CEP112: variants seen among roughly 807,000 people sequenced by gnomAD.
CEP112 encodes the protein centrosomal protein 112.
In CEP112, 127 loss-of-function variants were observed where a neutral mutation model predicts 153.0. That is an observed-to-expected ratio of 0.83 (90% CI 0.72 to 0.96). The LOEUF (loss-of-function observed/expected upper bound fraction) is 0.96. Ranked by LOEUF, CEP112 falls within the 40% of genes least tolerant of loss-of-function variation. The probability of loss-of-function intolerance (pLI) is 0.00; values close to 1 mark genes in which losing one functional copy is unlikely to be tolerated. For missense variants in CEP112, 1,089 were observed against 1,101.2 expected (o/e 0.99, Z 0.16); for synonymous variants, 358 against 374.4 (o/e 0.96, Z 0.51).
chr17:65,927,145 TTCTC>T (rs148902487), intron 19 of CEP112, among the ~76,000 whole-genome samples: 11 of 149,952 alleles, frequency 7.3e-5, no homozygotes, highest in African/African-American at 2.7e-4. Context: ...ACCTCCTCGC[TTCTC>T]TCTCTCTCTC....
intron 20 of CEP112, among the ~76,000 whole-genome samples, chr17:65,880,043 C>T (rs944876663): frequency 1.3e-5 from 2 of 151,994 alleles, no homozygotes; most frequent in Non-Finnish European, 1.5e-5. Flanking sequence ...TAGAAGCCCA[C>T]ATATTTTGTT....
chr17:66,176,960 C>A lies in CEP112; in HGVS notation c.167G>T (p.Gly56Val). Residue 56 changes from glycine (G) to valine (V), a missense_variant, in exon 3 of 27, where the codon GGA becomes GTA. Transcript: ENST00000535342. ...GTTCCGATTCTTCCTCCCCATTATTCCTGCACCTGTTCCTGAAGGTTCGCA... is the reference window on the plus strand; with the variant it reads ...GTTCCGATTCTTCCTCCCCATTATTACTGCACCTGTTCCTGAAGGTTCGCA... ...KLCEPSGTGA[G>V]IMGRKNRNLY... 1 of 1,613,872 alleles carries A rather than the reference C, an allele frequency of 6.2e-7. No homozygotes were observed. Among genetic ancestry groups the A allele is most frequent in the South Asian group, 1.1e-5 (1 of 91,050 alleles).
intron 4 of CEP112, among the ~76,000 whole-genome samples, chr17:66,146,559 C>T (rs149635110): frequency 2.0e-5 from 3 of 152,148 alleles, no homozygotes; most frequent in East Asian, 1.9e-4. Context: ...TTTAAGCATA[C>T]GGTTCAGTGG....
intron 21 of CEP112, among the ~76,000 whole-genome samples, chr17:65,822,226 T>C (rs537438489): frequency 6.6e-6 from 1 of 151,984 alleles, no homozygotes; most frequent in Non-Finnish European, 1.5e-5. Flanking sequence ...ACTTTTCCTA[T>C]CCATGTTGGT....
intron 12 of CEP112, among the ~76,000 whole-genome samples, chr17:66,048,613 GT>G (rs902702057): frequency 1.3e-5 from 2 of 151,088 alleles, no homozygotes; most frequent in Admixed American, 6.6e-5. Flanking sequence ...GCACTATTTT[GT>G]TTTTTTTATT....
In CEP112 at chr17:66,191,791, C is replaced by T. The variant is rs2073172566; in HGVS notation, c.-9+206G>A. On this transcript the variant is annotated intron_variant, in intron 1 of 26. Transcript: ENST00000535342. This position sits in a 1 kb window ranked among gnomAD's most constrained non-coding sequence, Gnocchi z 4.2. The stretch of plus-strand genomic sequence containing the variant: ...CCAAGTCGTCCCGGCCTGGATCGCG[C>T]TCTGCCTGCCGGGGACACCACAGCG... 1 of 152,694 alleles carries T rather than the reference C, an allele frequency of 6.5e-6. No individual in the cohort carries two copies. Among genetic ancestry groups the T allele is most frequent in the Non-Finnish European group, 1.5e-5 (1 of 68,142 alleles). 9.5% of individuals were successfully genotyped at this position (152,694 alleles called of 1,614,324 possible).
intron 20 of CEP112, among the ~76,000 whole-genome samples, chr17:65,885,294 G>T (rs1162794314): frequency 6.6e-6 from 1 of 152,094 alleles, no homozygotes; most frequent in Non-Finnish European, 1.5e-5. Flanking sequence ...TTCTAGGTTT[G>T]TAATGTCCCT....
chr17:66,040,579 C>A lies in CEP112; in HGVS notation c.1219-10556G>T, dbSNP rs560695266. Among the ~76,000 whole-genome samples, 3 of 149,232 alleles carry A rather than the reference C, an allele frequency of 2.0e-5. No homozygotes were observed. The South Asian group carries it at 6.3e-4, about 31-fold the overall frequency. ...TGGTGCAATCTCGGCTCACTGCAGG[C>A]TCCACCTACTGGTTCAAGAGATTCT... On this transcript the variant is annotated intron_variant, in intron 12 of 26. Coordinates refer to ENST00000535342, the MANE Select transcript of CEP112 (RefSeq NM_001199165.4).
chr17:65,838,954 T>C (rs2146200723), intron 21 of CEP112, among the ~76,000 whole-genome samples: 1 of 151,990 alleles, frequency 6.6e-6, no homozygotes, highest in African/African-American at 2.4e-5. Flanking sequence ...AATTCAACTA[T>C]GAAGAAATAG....
chr17:66,002,780 A>G (rs866556570), intron 17 of CEP112, among the ~76,000 whole-genome samples: 64 of 152,196 alleles, frequency 4.2e-4, no homozygotes, highest in African/African-American at 1.5e-3. Flanking sequence ...TATATATTCA[A>G]CATGCACAGA....
intron 19 of CEP112, among the ~76,000 whole-genome samples, chr17:65,904,698 A>G (rs1006709808): frequency 7.9e-5 from 12 of 152,216 alleles, no homozygotes; most frequent in Non-Finnish European, 5.9e-5. Flanking sequence ...CCTGACTTCA[A>G]ACTATACTAT....
chr17:65,952,400 C>A (rs1008946068), intron 18 of CEP112, among the ~76,000 whole-genome samples: 2 of 152,008 alleles, frequency 1.3e-5, no homozygotes, highest in African/African-American at 4.8e-5. Context: ...CTTGCATATT[C>A]TTTCATTCAG....
chr17:66,119,540 T>C lies in CEP112; in HGVS notation c.642+10206A>G, dbSNP rs542985493. ...ATATATTTGAAATTCATCCACTTTA[T>C]TGTGTGATTTGATAATTGAGTCCTT... On this transcript the variant is annotated intron_variant, in intron 6 of 26. Transcript: ENST00000535342. 3.9e-5 allele frequency among the ~76,000 whole-genome samples: 6 copies of C among 152,350 alleles called. No individual in the cohort carries two copies. In the East Asian group the frequency reaches 1.2e-3, roughly 29 times the overall value.
chr17:66,184,646 A>G (rs2146927956), intron 1 of CEP112, among the ~76,000 whole-genome samples: 1 of 152,356 alleles, frequency 6.6e-6, no homozygotes, highest in South Asian at 2.1e-4. Flanking sequence ...CATTGCTGGT[A>G]GAAATACAAA....
intron 21 of CEP112, among the ~76,000 whole-genome samples, chr17:65,815,254 G>T (rs1214724000): frequency 6.6e-6 from 1 of 151,986 alleles, no homozygotes; most frequent in Non-Finnish European, 1.5e-5. Context: ...ATACCCAATT[G>T]TTCAGAACTA....
At chr17:65,640,195 C>T (rs528585553) in intron 25 of CEP112, among the ~76,000 whole-genome samples, 2 of 119,554 alleles carry the variant, frequency 1.7e-5, no homozygotes, top group Non-Finnish European at 3.4e-5. Context: ...TTTCTGTCAT[C>T]CAGGCTGGAG....
chr17:66,158,344 A>AGCTC (rs1339864546), intron 4 of CEP112, among the ~76,000 whole-genome samples: 2 of 152,050 alleles, frequency 1.3e-5, no homozygotes, highest in Non-Finnish European at 2.9e-5. Context: ...TGGGCACAGT[A>AGCTC]GCTCACACCT....
chr17:65,906,301 G>A (rs1380370495), intron 19 of CEP112, among the ~76,000 whole-genome samples: 2 of 152,056 alleles, frequency 1.3e-5, no homozygotes, highest in African/African-American at 4.8e-5. Context: ...ATAGCATTAG[G>A]AGAAATACCT....
intron 11 of CEP112, among the ~76,000 whole-genome samples, chr17:66,055,403 A>G (rs988415990): frequency 3.3e-5 from 5 of 152,198 alleles, no homozygotes; most frequent in Non-Finnish European, 7.3e-5. Flanking sequence ...TGAAATAAAC[A>G]TTGTAAAGCA....
Sources: gnomAD v4.1 joint callset for allele counts (sites outside exome capture counted in the v4.1 genomes callset) on GRCh38, gnomAD v4.1.1 for gene constraint, Gnocchi (gnomAD v3.1) non-coding constraint, MANE v1.5 for transcripts, NCBI Gene and HGNC (gene_info 2026-07-23, HGNC 2026-07-21) for gene names.